NEK1: variants seen among roughly 807,000 people sequenced by gnomAD.
NEK1 encodes serine/threonine-protein kinase Nek1.
NEK1 carries 137 observed loss-of-function variants against 182.1 expected under a neutral mutation model. The ratio of observed to expected loss-of-function variants is 0.75; its 90% confidence interval spans 0.65 to 0.87. NEK1 has a LOEUF of 0.87. Ranked by LOEUF, NEK1 falls within the 40% of genes least tolerant of loss-of-function variation. The pLI, the probability that NEK1 is intolerant of heterozygous loss-of-function variation, is 0.00. For missense variants in NEK1, 1,391 were observed against 1,494.4 expected (o/e 0.93, Z 1.14); for synonymous variants, 513 against 492.2 (o/e 1.04, Z -0.56).
intron 32 of NEK1, 108 bp from the exon 33 acceptor site, chr4:169,401,968 C>T: frequency 1.2e-6 from 1 of 839,172 alleles, no homozygotes; most frequent in East Asian, 2.7e-5. Flanking sequence ...AATACGTAGG[C>T]ACTTCTTAAA....
chr4:169,544,091 T>A (rs1244339397), intron 18 of NEK1, among the ~76,000 whole-genome samples: 1 of 152,154 alleles, frequency 6.6e-6, no homozygotes, highest in Non-Finnish European at 1.5e-5. Flanking sequence ...TCAGTTTCTG[T>A]CCATTATGAT....
chr4:169,575,774 C>T (rs1209489038), intron 12 of NEK1, among the ~76,000 whole-genome samples: 1 of 152,138 alleles, frequency 6.6e-6, no homozygotes, highest in Non-Finnish European at 1.5e-5. Flanking sequence ...ACTGCCATAC[C>T]CTACCCAGTA....
chr4:169,474,797 TCTC>T (rs1456746586), intron 26 of NEK1, among the ~76,000 whole-genome samples: 2 of 152,212 alleles, frequency 1.3e-5, no homozygotes, highest in African/African-American at 4.8e-5. Context: ...CTTTTAAATA[TCTC>T]CTCTTTATTA....
intron 12 of NEK1, among the ~76,000 whole-genome samples, chr4:169,572,262 A>T (rs1384489360): frequency 1.3e-5 from 2 of 152,126 alleles, no homozygotes; most frequent in East Asian, 1.9e-4. Flanking sequence ...AAATAATGAG[A>T]AGTAGTCAGA....
chr4:169,606,665 T>C (rs944705350), intron 2 of NEK1, among the ~76,000 whole-genome samples: 1 of 152,146 alleles, frequency 6.6e-6, no homozygotes, highest in Non-Finnish European at 1.5e-5. Flanking sequence ...TATCTCTAGA[T>C]TGGGTACACC....
chr4:169,438,924 T>C (rs987633023), intron 27 of NEK1, among the ~76,000 whole-genome samples: 5 of 152,214 alleles, frequency 3.3e-5, no homozygotes, highest in African/African-American at 1.2e-4. Context: ...TGTCATTAAT[T>C]ATAGCCTCTT....
At chr4:169,426,320 C>T in intron 29 of NEK1, 86 bp from the exon 30 acceptor site, 3 of 1,008,868 alleles carry the variant, frequency 3.0e-6, no homozygotes, top group Middle Eastern at 2.0e-4. Flanking sequence ...AAATGGAACA[C>T]AAGTTCACTA....
chr4:169,506,068 A>T (rs2149686440), intron 23 of NEK1, among the ~76,000 whole-genome samples: 1 of 151,994 alleles, frequency 6.6e-6, no homozygotes, highest in East Asian at 1.9e-4. Context: ...ACTAATCAAA[A>T]TTACAATATG....
At chr4:169,499,092 CTTTG>C (rs1485872123) in intron 23 of NEK1, among the ~76,000 whole-genome samples, 3 of 152,140 alleles carry the variant, frequency 2.0e-5, no homozygotes, top group African/African-American at 7.2e-5. Flanking sequence ...TTCTTGGAGG[CTTTG>C]TTTGTTTCTT....
intron 23 of NEK1, among the ~76,000 whole-genome samples, chr4:169,496,816 T>C (rs1465405318): frequency 2.6e-4 from 39 of 152,110 alleles, no homozygotes; most frequent in African/African-American, 8.4e-4. Flanking sequence ...CAGTATTTTA[T>C]TGAGGATTTT....
At chr4:169,569,467 C>CCTCT (rs1554070204) in intron 12 of NEK1, among the ~76,000 whole-genome samples, 9 of 118,218 alleles carry the variant, frequency 7.6e-5, no homozygotes, top group East Asian at 4.9e-4. Context: ...TCTCTCCCTC[C>CCTCT]CTCCCTCTCT....
At chr4:169,473,981 G>A (rs1746496264) in intron 26 of NEK1, among the ~76,000 whole-genome samples, 1 of 152,124 alleles carries the variant, frequency 6.6e-6, no homozygotes, top group Non-Finnish European at 1.5e-5. Flanking sequence ...GGAGAATAAA[G>A]GAGAGGAACT....
At chr4:169,503,373 C>A (rs1001280279) in intron 23 of NEK1, among the ~76,000 whole-genome samples, 2 of 151,702 alleles carry the variant, frequency 1.3e-5, no homozygotes, top group Admixed American at 6.6e-5. Context: ...AATAAAAAAA[C>A]CTAAAATTCA....
intron 26 of NEK1, among the ~76,000 whole-genome samples, chr4:169,471,034 A>G (rs929752572): frequency 2.0e-5 from 3 of 152,140 alleles, no homozygotes; most frequent in African/African-American, 7.2e-5. Context: ...ACTTTTTATC[A>G]AGGTTCTTAG....
chr4:169,406,156 T>C (rs188375216), intron 32 of NEK1, among the ~76,000 whole-genome samples: 276 of 152,294 alleles, frequency 1.8e-3, no homozygotes, highest in African/African-American at 6.5e-3. Flanking sequence ...CCCAGGCTGG[T>C]CTCACATTCC....
intron 29 of NEK1, among the ~76,000 whole-genome samples, chr4:169,428,817 C>T (rs934275085): frequency 2.6e-5 from 4 of 152,072 alleles, no homozygotes; most frequent in African/African-American, 7.2e-5. Flanking sequence ...GCACACCTTA[C>T]GAGATTTTTC....
chr4:169,439,952 T>C (rs1739130170), intron 27 of NEK1, among the ~76,000 whole-genome samples: 1 of 149,096 alleles, frequency 6.7e-6, no homozygotes, highest in African/African-American at 2.5e-5. Flanking sequence ...GTTCAAGCAA[T>C]TCTCCTGCCT....
At chr4:169,500,475 C>T (rs1752227633) in intron 23 of NEK1, among the ~76,000 whole-genome samples, 1 of 152,232 alleles carries the variant, frequency 6.6e-6, no homozygotes, top group Non-Finnish European at 1.5e-5. Flanking sequence ...CAGAAATCAC[C>T]TGTCTTCTGT....
intron 29 of NEK1, among the ~76,000 whole-genome samples, chr4:169,432,089 T>A (rs1737556095): frequency 6.6e-6 from 1 of 151,096 alleles, no homozygotes; most frequent in Non-Finnish European, 1.5e-5. Context: ...ACCAAAGATA[T>A]AAAGAGAAAA....
Sources: allele counts gnomAD v4.1 joint callset (sites outside exome capture counted in the v4.1 genomes callset), GRCh38; gene constraint gnomAD v4.1.1; transcripts MANE v1.5; gene names NCBI Gene and HGNC (gene_info 2026-07-23, HGNC 2026-07-21).